TENM3: variants seen among roughly 807,000 people sequenced by gnomAD.
TENM3 encodes the protein teneurin-3.
A neutral mutation model predicts 255.1 loss-of-function variants in TENM3; 63 were observed. That is an observed-to-expected ratio of 0.25 (90% CI 0.20 to 0.30). The LOEUF is 0.30. Among genes scored for constraint, TENM3 ranks in the 10% least tolerant of loss-of-function variants. The pLI, the probability that TENM3 is intolerant of heterozygous loss-of-function variation, is 1.00. For synonymous variants in TENM3, 1,306 were observed against 1,322.3 expected, an observed-to-expected ratio of 0.99 and a Z score of 0.27; for missense variants, 2,929 against 3,461.1, an observed-to-expected ratio of 0.85 and a Z score of 3.86.
the TENM3 span, among the ~76,000 whole-genome samples, chr4:181,533,718 A>G: frequency 1.3e-5 from 2 of 151,772 alleles, no homozygotes; most frequent in South Asian, 2.1e-4. Flanking sequence ...TTGCATGCCT[A>G]TACCCCTGCC....
chr4:182,070,149 G>C, the TENM3 span, among the ~76,000 whole-genome samples: 5 of 152,176 alleles, frequency 3.3e-5, no homozygotes, highest in Non-Finnish European at 5.9e-5. Flanking sequence ...AGGCACAGGT[G>C]GGGGAAGGCC....
intron 1 of TENM3, among the ~76,000 whole-genome samples, chr4:182,149,935 A>C (rs1670148449): frequency 6.6e-6 from 1 of 152,100 alleles, no homozygotes; most frequent in Non-Finnish European, 1.5e-5. Flanking sequence ...GGGAAGACAT[A>C]GTGCCTGTAT....
chr4:181,728,223 T>C, the TENM3 span, among the ~76,000 whole-genome samples: 3 of 152,238 alleles, frequency 2.0e-5, no homozygotes, highest in South Asian at 6.2e-4. Context: ...TCATTAATAG[T>C]AGTAGTAGCA....
chr4:182,486,821 C>T lies in TENM3; in HGVS notation c.512-114103C>T, dbSNP rs142318512. On this transcript the variant is annotated intron_variant, in intron 3 of 27. Transcript: ENST00000511685. ...ATAGATAACCCTCAATATACACTGC[C>T]TTGGCCTTAAGGAAACTGAAATTTC... 5.3e-5 allele frequency among the ~76,000 whole-genome samples: 8 copies of T among 152,262 alleles called. No homozygotes were observed. In the East Asian group the frequency reaches 1.5e-3, roughly 29 times the overall value.
intron 3 of TENM3, among the ~76,000 whole-genome samples, chr4:182,537,795 T>C (rs1361743673): frequency 6.6e-6 from 1 of 152,228 alleles, no homozygotes; most frequent in Non-Finnish European, 1.5e-5. Flanking sequence ...CTCTGTGTTT[T>C]GTTCATGCTG....
the TENM3 span, among the ~76,000 whole-genome samples, chr4:181,850,010 C>G: frequency 6.7e-6 from 1 of 149,556 alleles, no homozygotes; most frequent in South Asian, 2.1e-4. Flanking sequence ...AGCCCCCGAC[C>G]TTGAATATTC....
At chr4:182,201,867 T>C (rs1228663728) in intron 1 of TENM3, among the ~76,000 whole-genome samples, 3 of 152,228 alleles carry the variant, frequency 2.0e-5, no homozygotes, top group Admixed American at 1.3e-4. Flanking sequence ...TACTGAAATT[T>C]CTGGAAAATG....
chr4:182,602,620 A>G (rs1748007811), intron 4 of TENM3, among the ~76,000 whole-genome samples: 1 of 152,126 alleles, frequency 6.6e-6, no homozygotes, highest in South Asian at 2.1e-4. Context: ...TTTATTTTGT[A>G]TTATTGAACA....
chr4:181,544,430 A>AC, the TENM3 span, among the ~76,000 whole-genome samples: 1 of 144,282 alleles, frequency 6.9e-6, no homozygotes, highest in South Asian at 2.3e-4. Flanking sequence ...AAAAAAAAAA[A>AC]AAAAAACTAT....
chr4:182,190,649 C>G (rs1030558497), intron 1 of TENM3, among the ~76,000 whole-genome samples: 2 of 152,126 alleles, frequency 1.3e-5, no homozygotes, highest in African/African-American at 4.8e-5. Flanking sequence ...AGATTGTTTC[C>G]AAGCTCTGAC....
chr4:182,061,684 C>T, the TENM3 span, among the ~76,000 whole-genome samples: 2 of 152,028 alleles, frequency 1.3e-5, no homozygotes, highest in East Asian at 1.9e-4. Flanking sequence ...AAGTGCTGGG[C>T]GTGGCTGCTC....
At chr4:181,550,646 T>G in the TENM3 span, among the ~76,000 whole-genome samples, 1 of 152,202 alleles carries the variant, frequency 6.6e-6, no homozygotes, top group Non-Finnish European at 1.5e-5. Context: ...ACCACAAGGT[T>G]GCAGAGGAAG....
At chr4:182,068,495 G>A in the TENM3 span, among the ~76,000 whole-genome samples, 1 of 151,100 alleles carries the variant, frequency 6.6e-6, no homozygotes, top group African/African-American at 2.4e-5. Context: ...TTCCTAAGAT[G>A]AGAAATGAGG....
chr4:182,004,471 T>C, the TENM3 span, among the ~76,000 whole-genome samples: 3 of 152,204 alleles, frequency 2.0e-5, no homozygotes, highest in African/African-American at 7.2e-5. Context: ...ATCTAGCCTA[T>C]CATTGATAGG....
intron 1 of TENM3, among the ~76,000 whole-genome samples, chr4:182,235,069 A>G (rs1756811378): frequency 6.6e-6 from 1 of 152,108 alleles, no homozygotes; most frequent in Non-Finnish European, 1.5e-5. Context: ...GCCAATACAA[A>G]AAAACCACTC....
At chr4:182,669,268 T>TTTTTTG (rs10649861) in intron 6 of TENM3, among the ~76,000 whole-genome samples, 46,422 of 150,886 alleles carry the variant, frequency 0.31, 7,470 homozygotes, top group East Asian at 0.56. Context: ...ATGTCACGTT[T>TTTTTTG]TTTTTGTTTT....
At chr4:182,279,264 A>G (rs1425503759) in intron 1 of TENM3, among the ~76,000 whole-genome samples, 1 of 152,164 alleles carries the variant, frequency 6.6e-6, no homozygotes, top group Non-Finnish European at 1.5e-5. Context: ...GACAGATTAT[A>G]TATATGCATA....
chr4:182,438,240 CTATT>C (rs1320111136), intron 3 of TENM3, among the ~76,000 whole-genome samples: 2 of 152,118 alleles, frequency 1.3e-5, no homozygotes, highest in South Asian at 2.1e-4. Flanking sequence ...AGTGTGCAAA[CTATT>C]TAAGCTATTT....
chr4:182,282,954 G>A (rs1760489034), intron 1 of TENM3, among the ~76,000 whole-genome samples: 3 of 149,426 alleles, frequency 2.0e-5, no homozygotes, highest in South Asian at 4.3e-4. Flanking sequence ...GCTTATATCA[G>A]TAATATATTT....
Sources: allele counts gnomAD v4.1 joint callset (sites outside exome capture counted in the v4.1 genomes callset), GRCh38; gene constraint gnomAD v4.1.1; transcripts MANE v1.5; gene names NCBI Gene and HGNC (gene_info 2026-07-23, HGNC 2026-07-21).